Variants in TSC22D1 observed in about 807,000 individuals in gnomAD.
TSC22D1 encodes the protein TSC22 domain family protein 1.
Under a neutral mutation model 74.2 loss-of-function variants are expected in TSC22D1, and 9 were observed. The ratio of observed to expected loss-of-function variants is 0.12; its 90% CI spans 0.07 to 0.21. The LOEUF (loss-of-function observed/expected upper bound fraction) is 0.21. Ranked by LOEUF, TSC22D1 falls within the 10% of genes least tolerant of loss-of-function variation. The pLI, the probability that TSC22D1 is intolerant of heterozygous loss-of-function variation, is 1.00. For missense variants in TSC22D1, 1,427 were observed against 1,304.7 expected, an observed-to-expected ratio of 1.09 and a Z score of -1.44; for synonymous variants, 586 against 492.5, an observed-to-expected ratio of 1.19 and a Z score of -2.51.
At chr13:44,554,513 T>A (rs1882493907) in intron 1 of TSC22D1, among the ~76,000 whole-genome samples, 1 of 151,972 alleles carries the variant, frequency 6.6e-6, no homozygotes, top group Non-Finnish European at 1.5e-5. Context: ...ACCAAAACCA[T>A]GTCTTTTTTT....
chr13:44,560,981 A>T (rs1883000437), intron 1 of TSC22D1, among the ~76,000 whole-genome samples: 1 of 152,180 alleles, frequency 6.6e-6, no homozygotes, highest in African/African-American at 2.4e-5. Context: ...GCTTTAAGAT[A>T]ACAAAGCTAG....
At chr13:44,504,600 T>C (rs374245410) in intron 1 of TSC22D1, among the ~76,000 whole-genome samples, 25 of 77,570 alleles carry the variant, frequency 3.2e-4, no homozygotes, top group African/African-American at 1.1e-3. Context: ...GGAGACTGTC[T>C]CAAAAAAAAA....
At chr13:44,497,090 A>C (rs923312417) in intron 1 of TSC22D1, among the ~76,000 whole-genome samples, 7 of 152,182 alleles carry the variant, frequency 4.6e-5, no homozygotes, top group Non-Finnish European at 7.3e-5. Context: ...ATGGGTAGTA[A>C]GACACTACCT....
intron 1 of TSC22D1, chr13:44,437,238 T>C: frequency 1.0e-6 from 1 of 985,508 alleles, no homozygotes; most frequent in Non-Finnish European, 1.2e-6. Flanking sequence ...CGGCGAAAGC[T>C]TCCTATTTGT....
chr13:44,474,054 C>A (rs1877758787), intron 1 of TSC22D1, among the ~76,000 whole-genome samples: 1 of 152,130 alleles, frequency 6.6e-6, no homozygotes, highest in Non-Finnish European at 1.5e-5. Context: ...ATTTTTCCAG[C>A]TGGGAAAAAC....
intron 2 of TSC22D1, among the ~76,000 whole-genome samples, chr13:44,435,518 A>G (rs1243624680): frequency 6.6e-6 from 1 of 152,196 alleles, no homozygotes. Context: ...CGGAAATAAA[A>G]AATAGGAGAA....
At chr13:44,445,524 A>T (rs1875564980) in intron 1 of TSC22D1, among the ~76,000 whole-genome samples, 1 of 152,166 alleles carries the variant, frequency 6.6e-6, no homozygotes, top group Non-Finnish European at 1.5e-5. Flanking sequence ...AAATTGATAA[A>T]ATGGACTTTT....
intron 1 of TSC22D1, among the ~76,000 whole-genome samples, chr13:44,487,831 C>T (rs1331776529): frequency 2.6e-5 from 4 of 152,056 alleles, no homozygotes; most frequent in Non-Finnish European, 4.4e-5. Flanking sequence ...CCAAGGCAGG[C>T]GGATCACTTC....
intron 1 of TSC22D1, among the ~76,000 whole-genome samples, chr13:44,445,302 T>G (rs940980776): frequency 6.7e-6 from 1 of 148,972 alleles, no homozygotes; most frequent in Non-Finnish European, 1.5e-5. Context: ...GAAAAGAGTC[T>G]TCAGCAAATG....
At chr13:44,497,442 C>CT (rs1320743282) in intron 1 of TSC22D1, among the ~76,000 whole-genome samples, 14 of 152,136 alleles carry the variant, frequency 9.2e-5, no homozygotes, top group Non-Finnish European at 1.8e-4. Flanking sequence ...TGTTTTGAGA[C>CT]TTGATAAAGG....
intron 1 of TSC22D1, among the ~76,000 whole-genome samples, chr13:44,571,362 T>TC (rs1883754900): frequency 6.6e-6 from 1 of 152,192 alleles, no homozygotes. Flanking sequence ...TTCCTATAGT[T>TC]AAAACTCTAG....
At position 44,576,146 on chromosome 13, in the gene TSC22D1, C is replaced by G; in HGVS notation, c.-72G>C. On this transcript the variant is annotated 5_prime_UTR_variant, in exon 1 of 3. Transcript: ENST00000458659. ...TGCACCGTAATCTTTGTATTGGAGA[C>G]GCCGGAGAGGAAAACGGGACCTGAC... The G allele has an allele frequency of 7.2e-7, 1 of 1,396,994 alleles. No individual in the cohort carries two copies. Among genetic ancestry groups the G allele is most frequent in the Non-Finnish European group, 9.3e-7 (1 of 1,078,416 alleles). 86.5% of individuals were successfully genotyped at this position (1,396,994 alleles called of 1,614,324 possible).
intron 1 of TSC22D1, chr13:44,436,318 T>C (rs949595563): frequency 4.3e-6 from 4 of 938,268 alleles, no homozygotes; most frequent in African/African-American, 1.7e-5. Flanking sequence ...AATTACATAA[T>C]GTGGGGAAAG....
intron 1 of TSC22D1, among the ~76,000 whole-genome samples, chr13:44,558,640 T>C (rs1462411900): frequency 1.3e-5 from 2 of 152,120 alleles, no homozygotes; most frequent in Non-Finnish European, 2.9e-5. Flanking sequence ...CTTAGGAGGC[T>C]GAGGCAGAAG....
intron 1 of TSC22D1, among the ~76,000 whole-genome samples, chr13:44,557,447 G>A (rs550783773): frequency 9.8e-5 from 15 of 152,344 alleles, no homozygotes; most frequent in East Asian, 5.8e-4. Context: ...GCGACAGAGC[G>A]AGACTCCGTC....
chr13:44,436,089 A>G lies in TSC22D1; in HGVS notation c.2919T>C (p.Ser973=). 1 of 1,612,622 alleles carries G rather than the reference A, an allele frequency of 6.2e-7. No homozygotes were observed. The highest frequency in any genetic ancestry group is 8.5e-7 in the Non-Finnish European group (1 of 1,179,620). The change falls in exon 2 of 3, where the codon TCT becomes TCC. Residue 973 remains serine (S), a synonymous_variant. Coordinates refer to ENST00000458659, the MANE Select transcript of TSC22D1 (RefSeq NM_183422.4). ...TGTCAATAGCTACCACACTTGCACC[A>G]GAGGAGCTGAAAAAGAGGAGGGAAA... ...PLVDGEDESS[S]GASVVAIDNK...
rs1460153361 is a variant in TSC22D1, at chr13:44,574,031, T to C, written c.2044A>G (p.Thr682Ala). 7 of 1,614,150 alleles carry C rather than the reference T, an allele frequency of 4.3e-6. No individual in the cohort carries two copies. The highest frequency in any genetic ancestry group is 5.9e-6 in the Non-Finnish European group (7 of 1,180,052). Residue 682 changes from threonine (T) to alanine (A), a missense_variant, in exon 1 of 3, where the codon ACA becomes GCA. By Grantham distance (58) the Thr-to-Ala change is moderately conservative (BLOSUM62 0). Around this residue, in one of 3 missense-constraint regions of TSC22D1, gnomAD observed 1,343 missense variants for 1,191.5 expected, o/e 1.13. Transcript: ENST00000458659. ...PSSAGVGAGT[T>A]VIPVAQPQGI... ...TGTGGCTGAGCCACAGGAATCACTG[T>C]TGTTCCTGCTCCTACTCCTGCAGAA...
At chr13:44,547,594 A>G (rs1595154974) in intron 1 of TSC22D1, among the ~76,000 whole-genome samples, 1 of 152,198 alleles carries the variant, frequency 6.6e-6, no homozygotes, top group South Asian at 2.1e-4. Flanking sequence ...TTTCTTCAAA[A>G]ATTTTCGCAG....
intron 1 of TSC22D1, among the ~76,000 whole-genome samples, chr13:44,475,342 T>C (rs1404524548): frequency 6.6e-6 from 1 of 151,656 alleles, no homozygotes; most frequent in Non-Finnish European, 1.5e-5. Context: ...GCATCTAAAG[T>C]AGCACTTAGG....
Sources: allele counts gnomAD v4.1 joint callset (sites outside exome capture counted in the v4.1 genomes callset), GRCh38; gene constraint gnomAD v4.1.1; regional missense constraint gnomAD v4.1.1; transcripts MANE v1.5; gene names NCBI Gene and HGNC (gene_info 2026-07-23, HGNC 2026-07-21).